ASAP3: variants seen among roughly 807,000 people sequenced by gnomAD.
ASAP3 encodes ArfGAP with SH3 domain, ankyrin repeat and PH domain 3, also known as arf-GAP with SH3 domain, ANK repeat and PH domain-containing protein 3.
A neutral mutation model predicts 118.2 loss-of-function variants in ASAP3; 85 were observed. The ratio of observed to expected loss-of-function variants is 0.72; its 90% CI spans 0.60 to 0.86. The LOEUF (loss-of-function observed/expected upper bound fraction) is 0.86, where lower values mean the gene tolerates loss of function less well. ASAP3 is among the 40% of genes least tolerant of loss of function. ASAP3 has a pLI of 0.00. For missense variants in ASAP3, 1,026 were observed against 1,175.0 expected, an observed-to-expected ratio of 0.87 and a Z score of 1.85; for synonymous variants, 432 against 477.4, an observed-to-expected ratio of 0.90 and a Z score of 1.24.
At chr1:23,453,429 T>C (rs555551030) in intron 3 of ASAP3, among the ~76,000 whole-genome samples, 1 of 152,026 alleles carries the variant, frequency 6.6e-6, no homozygotes, top group African/African-American at 2.4e-5. Flanking sequence ...TCTGCCTAAG[T>C]TGTGGGAGAA....
At chr1:23,455,523 G>A (rs1641354313) in intron 3 of ASAP3, among the ~76,000 whole-genome samples, 1 of 152,122 alleles carries the variant, frequency 6.6e-6, no homozygotes, top group African/African-American at 2.4e-5. Context: ...CGGTGGTGGT[G>A]GCAGTGGCAG....
At chr1:23,457,146 TG>T (rs1641415091) in intron 1 of ASAP3, among the ~76,000 whole-genome samples, 1 of 151,908 alleles carries the variant, frequency 6.6e-6, no homozygotes, top group Admixed American at 6.6e-5. Context: ...AGCCAAGAGA[TG>T]GGAGGCCCTT....
chr1:23,435,271 C>T (rs1640596564), intron 17 of ASAP3, among the ~76,000 whole-genome samples: 1 of 152,210 alleles, frequency 6.6e-6, no homozygotes, highest in African/African-American at 2.4e-5. Context: ...TCAAGTGATC[C>T]TTTCACTTTG....
chr1:23,460,269 G>T (rs573673460), intron 1 of ASAP3, among the ~76,000 whole-genome samples: 3 of 152,136 alleles, frequency 2.0e-5, no homozygotes, highest in Non-Finnish European at 4.4e-5. Context: ...CACTTTGGGA[G>T]GCTGAGGCTG....
chr1:23,455,343 G>A (rs1452842832), intron 3 of ASAP3, among the ~76,000 whole-genome samples: 1 of 152,214 alleles, frequency 6.6e-6, no homozygotes, highest in Non-Finnish European at 1.5e-5. Context: ...CCAGAGAGGA[G>A]GCAGTCACCA....
At chr1:23,469,181 C>G (rs992512317) in intron 1 of ASAP3, among the ~76,000 whole-genome samples, 1 of 151,864 alleles carries the variant, frequency 6.6e-6, no homozygotes, top group Non-Finnish European at 1.5e-5. Context: ...GTGGCACACA[C>G]CTGTAGTCCC....
At position 23,435,807 on chromosome 1, in the gene ASAP3, T is replaced by C. The variant is rs747231553; in HGVS notation, c.1749+44A>G. On this transcript the variant is annotated intron_variant, in intron 17 of 24. Coordinates refer to ENST00000336689, the MANE Select transcript of ASAP3 (RefSeq NM_017707.4). ...GGTCCTGGAGAAGAACTGGGGAATATGTTAGACAGGTGGGTTATAAGTGGC... is the reference window on the plus strand; with the variant it reads ...GGTCCTGGAGAAGAACTGGGGAATACGTTAGACAGGTGGGTTATAAGTGGC... 14 of 1,610,664 alleles carry C rather than the reference T, an allele frequency of 8.7e-6. No homozygotes were observed. The Admixed American group carries it at 1.0e-4, about 12-fold the overall frequency.
rs1240327691 is a variant in ASAP3 at position 23,429,894 on chromosome 1, T to TCCC, written c.2671_2673dup (p.Gly891dup). ...AGTTGCACAGAACTTGCTGGGAGAC[T>TCCC]CCCAGTCCTTGAGCCATCTCCTTCA... On this transcript the variant is annotated inframe_insertion, in exon 25 of 25. Coordinates refer to ENST00000336689, the MANE Select transcript of ASAP3 (RefSeq NM_017707.4). 1 of 1,613,818 alleles carries TCCC rather than the reference T, an allele frequency of 6.2e-7. No homozygotes were observed. The highest frequency in any genetic ancestry group is 1.3e-5 in the African/African-American group (1 of 74,910).
chr1:23,451,501 A>G lies in ASAP3; in HGVS notation c.451T>C (p.Trp151Arg). 6.2e-7 allele frequency: 1 copy of G among 1,614,148 alleles called. No individual in the cohort carries two copies. The highest frequency in any genetic ancestry group is 8.5e-7 in the Non-Finnish European group (1 of 1,180,012). Reference sequence around the variant, plus strand: ...TACATTTTGGCTTCATAGTCCTTCCATGCCTTCTCCAGCTGTTTTTTGGAA... The same window carrying G: ...TACATTTTGGCTTCATAGTCCTTCCGTGCCTTCTCCAGCTGTTTTTTGGAA... ...QDSKKQLEKAWKDYEAKMAKL... is the reference protein window; with the variant it reads ...QDSKKQLEKARKDYEAKMAKL... Residue 151 changes from tryptophan (W) to arginine (R), a missense_variant, in exon 5 of 25, where the codon TGG becomes CGG. Trp to Arg is a moderately radical substitution (Grantham distance 101). Transcript: ENST00000336689.
intron 6 of ASAP3, 81 bp downstream of exon 6, chr1:23,442,420 G>A (rs1640905107): frequency 1.3e-6 from 2 of 1,596,418 alleles, no homozygotes; most frequent in African/African-American, 1.3e-5. Context: ...GACCTGAGCT[G>A]AGGCTGTGAC....
intron 1 of ASAP3, among the ~76,000 whole-genome samples, chr1:23,476,575 C>T (rs574793191): frequency 8.5e-5 from 13 of 152,332 alleles, no homozygotes; most frequent in African/African-American, 2.6e-4. Context: ...AGTTTCCATA[C>T]AGCAACTGAT....
At chr1:23,455,133 C>G (rs1314525533) in intron 3 of ASAP3, among the ~76,000 whole-genome samples, 1 of 152,176 alleles carries the variant, frequency 6.6e-6, no homozygotes, top group South Asian at 2.1e-4. Flanking sequence ...TGGGTTCAAA[C>G]CGAACCGTGT....
chr1:23,442,212 G>A lies in ASAP3; in HGVS notation c.645C>T (p.Leu215=). ...TGTGCTGGGCGTGGAAGAACTTGAT[G>A]AGGCTCTGAAGGAAGTCAGGACCTT... The part of the protein sequence containing the change: ...MKQGPDFLQS[L]IKFFHAQHNF... The change falls in exon 7 of 25, where the codon CTC becomes CTT. Residue 215 remains leucine, a synonymous_variant. Coordinates refer to ENST00000336689, the MANE Select transcript of ASAP3 (RefSeq NM_017707.4). 6.2e-7 allele frequency: 1 copy of A among 1,605,828 alleles called. No homozygotes were observed.
rs1475038031 is a variant in ASAP3 at position 23,434,638 on chromosome 1, T to G, written c.1750-20A>C. 1 of 1,609,798 alleles carries G rather than the reference T, an allele frequency of 6.2e-7. No individual in the cohort carries two copies. The highest frequency in any genetic ancestry group is 8.5e-7 in the Non-Finnish European group (1 of 1,178,864). The stretch of plus-strand genomic sequence containing the variant: ...AGGTGCCTGAAAACACATCCACACC[T>G]CTGAGATTCCCCCCCCAGTGCACCT... On this transcript the variant is annotated intron_variant, in intron 17 of 24. Transcript: ENST00000336689.
intron 11 of ASAP3, 140 bp downstream of exon 11, chr1:23,439,021 G>C: frequency 1.7e-6 from 2 of 1,168,334 alleles, no homozygotes. Context: ...GGTCCCATCT[G>C]TCCTCCCAAA....
intron 23 of ASAP3, 87 bp from the exon 24 acceptor site, chr1:23,431,212 TG>T (rs1640420386): frequency 2.1e-6 from 3 of 1,401,906 alleles, no homozygotes; most frequent in East Asian, 2.5e-5. Context: ...AGAGCCAGTC[TG>T]GGGGCTTAGG....
At position 23,442,530 on chromosome 1, in the gene ASAP3, G is replaced by A. The variant is rs759918483; in HGVS notation, c.556C>T (p.Arg186Trp). The A allele has an allele frequency of 9.9e-6, 16 of 1,613,902 alleles. No homozygotes were observed. Among genetic ancestry groups the A allele is most frequent in the South Asian group, 5.5e-5 (5 of 91,074 alleles). ...GEVAQDMQRE[R>W]RIFQLHMCEY... ...CACATGTGCAGCTGGAAGATGCGCCGCTCTCTCTGCATGTCCTGGGCCACC... is the reference window on the plus strand; with the variant it reads ...CACATGTGCAGCTGGAAGATGCGCCACTCTCTCTGCATGTCCTGGGCCACC... Residue 186 changes from arginine (R) to tryptophan (W), a missense_variant, in exon 6 of 25, where the codon CGG becomes TGG. By Grantham distance (101) the Arg-to-Trp change is moderately radical. Transcript: ENST00000336689.
chr1:23,466,041 C>T (rs1641759353), intron 1 of ASAP3, among the ~76,000 whole-genome samples: 1 of 152,140 alleles, frequency 6.6e-6, no homozygotes. Flanking sequence ...AGGTTGACAG[C>T]AATGGTGAGG....
At chr1:23,452,928 G>C (rs1251747679) in intron 3 of ASAP3, among the ~76,000 whole-genome samples, 157 bp from the exon 4 acceptor site, 1 of 152,130 alleles carries the variant, frequency 6.6e-6, no homozygotes, top group Non-Finnish European at 1.5e-5. Flanking sequence ...AGCCAAGTAA[G>C]GGGGACCGTC....
Sources: gnomAD v4.1 joint callset for allele counts (sites outside exome capture counted in the v4.1 genomes callset) on GRCh38, gnomAD v4.1.1 for gene constraint, MANE v1.5 for transcripts, NCBI Gene and HGNC (gene_info 2026-07-23, HGNC 2026-07-21) for gene names.